Variants in MYO3B observed in about 807,000 individuals in gnomAD.
MYO3B encodes myosin-IIIb.
Under a neutral mutation model 174.6 loss-of-function variants are expected in MYO3B, and 156 were observed. The observed-to-expected ratio is 0.89, with a 90% CI of 0.78 to 1.02. The LOEUF is 1.02. MYO3B is among the 50% of genes least tolerant of loss of function. The pLI, the probability that MYO3B is intolerant of heterozygous loss-of-function variation, is 0.00. For synonymous variants in MYO3B, 563 were observed against 569.1 expected (o/e 0.99, Z 0.15); for missense variants, 1,632 against 1,639.4 (o/e 1.00, Z 0.08).
At chr2:170,523,131 G>T (rs1283993888) in intron 30 of MYO3B, among the ~76,000 whole-genome samples, 2 of 152,162 alleles carry the variant, frequency 1.3e-5, no homozygotes, top group African/African-American at 4.8e-5. Flanking sequence ...TGTTATGGTT[G>T]ACCTTGTGCT....
At position 170,490,720 on chromosome 2, in the gene MYO3B, T is replaced by C. The variant is rs919786883; in HGVS notation, c.3015-7872T>C. Among the ~76,000 whole-genome samples the C allele has an allele frequency of 1.4e-4, 21 of 152,290 alleles. 2 individuals carry two copies. Among genetic ancestry groups the C allele is most frequent in the Admixed American group, 1.2e-3 (19 of 15,310 alleles). The stretch of plus-strand genomic sequence containing the variant: ...AGTCAAGATTCAGAAAGTTGTCTCC[T>C]AGTTTGAGGTTGTTGAATTAATTTT... On this transcript the variant is annotated intron_variant, in intron 25 of 34. Transcript: ENST00000408978.
chr2:170,618,795 TTAACA>T (rs974740617), intron 32 of MYO3B, among the ~76,000 whole-genome samples: 4 of 152,064 alleles, frequency 2.6e-5, no homozygotes, highest in African/African-American at 7.3e-5. Flanking sequence ...GATGAAGTAA[TTAACA>T]TAACATTTGT....
intron 29 of MYO3B, among the ~76,000 whole-genome samples, chr2:170,518,927 T>G (rs1281482151): frequency 6.6e-6 from 1 of 152,230 alleles, no homozygotes; most frequent in Non-Finnish European, 1.5e-5. Flanking sequence ...TTACCCTCAT[T>G]GTTGAGAAAC....
chr2:170,557,149 T>TA (rs1393336355), intron 32 of MYO3B, among the ~76,000 whole-genome samples: 3 of 104,678 alleles, frequency 2.9e-5, no homozygotes, highest in Non-Finnish European at 5.4e-5. Context: ...TTTATTTTTA[T>TA]TTTTTTTTGA....
intron 32 of MYO3B, among the ~76,000 whole-genome samples, chr2:170,647,526 C>T (rs2105472966): frequency 6.6e-6 from 1 of 152,252 alleles, no homozygotes; most frequent in Admixed American, 6.5e-5. Context: ...AATGGCAAAG[C>T]ACCTGGAAGT....
At chr2:170,520,539 GAT>G (rs1297720650) in intron 30 of MYO3B, among the ~76,000 whole-genome samples, 1 of 151,422 alleles carries the variant, frequency 6.6e-6, no homozygotes, top group African/African-American at 2.4e-5. Flanking sequence ...ATTTGGGGGA[GAT>G]ATATATATTA....
At chr2:170,358,827 A>G (rs925396940) in intron 8 of MYO3B, among the ~76,000 whole-genome samples, 10 of 152,244 alleles carry the variant, frequency 6.6e-5, no homozygotes, top group African/African-American at 2.4e-4. Context: ...TTAATTTATA[A>G]ATTTGAGCTA....
At chr2:170,571,831 C>T (rs1032812021) in intron 32 of MYO3B, among the ~76,000 whole-genome samples, 5 of 152,142 alleles carry the variant, frequency 3.3e-5, no homozygotes, top group African/African-American at 9.7e-5. Context: ...CTTGTGTTCT[C>T]TCTGAACACA....
chr2:170,212,291 C>T (rs554516513), intron 3 of MYO3B, among the ~76,000 whole-genome samples: 1 of 151,048 alleles, frequency 6.6e-6, no homozygotes, highest in Admixed American at 6.6e-5. Flanking sequence ...TATTTTTATG[C>T]CAGTGAGTTT....
chr2:170,492,805 G>A (rs12692954), intron 25 of MYO3B, among the ~76,000 whole-genome samples: 41,060 of 152,118 alleles, frequency 0.27, 5,837 homozygotes, highest in East Asian at 0.44. Flanking sequence ...ATGTTTGGTC[G>A]TTACAGTTTC....
At chr2:170,284,948 C>T (rs1373998648) in intron 7 of MYO3B, among the ~76,000 whole-genome samples, 2 of 152,156 alleles carry the variant, frequency 1.3e-5, no homozygotes, top group Non-Finnish European at 2.9e-5. Flanking sequence ...GTTATATAAA[C>T]TGTCTCATAC....
chr2:170,565,144 T>C lies in MYO3B; in HGVS notation c.3733+21156T>C, dbSNP rs139757244. Among the ~76,000 whole-genome samples the C allele has an allele frequency of 3.8e-3, 578 of 152,288 alleles. 2 individuals are homozygous for C. The highest frequency in any genetic ancestry group is 0.013 in the African/African-American group (531 of 41,564). Reference sequence around the variant, plus strand: ...TAATGAGAAATAAATTTTTTTTGCATATCAAACAGGCGAGGATTGAACAAA... The same window carrying C: ...TAATGAGAAATAAATTTTTTTTGCACATCAAACAGGCGAGGATTGAACAAA... On this transcript the variant is annotated intron_variant, in intron 32 of 34. Transcript: ENST00000408978.
chr2:170,653,692 A>AGAT lies in MYO3B; in HGVS notation c.*572_*574dup, dbSNP rs143413132. The stretch of plus-strand genomic sequence containing the variant: ...ACAGGATAATTGCCTGTGTTTAGGC[A>AGAT]GATAGGCCTAAATCTTTCAGATTCT... On this transcript the variant is annotated 3_prime_UTR_variant, in exon 35 of 35. Transcript: ENST00000408978. The AGAT allele has an allele frequency of 2.8e-4, 42 of 152,594 alleles. No individual in the cohort carries two copies. The highest frequency in any genetic ancestry group is 4.0e-4 in the Non-Finnish European group (27 of 68,268). 9.5% of individuals were successfully genotyped at this position (152,594 alleles called of 1,614,324 possible). A position where few individuals can be genotyped will look rare whatever the true frequency, so the allele number is the denominator to read the frequency against.
chr2:170,218,296 G>T (rs1170663097), intron 6 of MYO3B, among the ~76,000 whole-genome samples: 1 of 152,000 alleles, frequency 6.6e-6, no homozygotes, highest in Admixed American at 6.6e-5. Context: ...GAAAAATGCT[G>T]CAATTTCCAG....
At chr2:170,544,052 G>C in intron 32 of MYO3B, 64 bp downstream of exon 32, 2 of 1,328,048 alleles carry the variant, frequency 1.5e-6, no homozygotes, top group Non-Finnish European at 2.1e-6. Flanking sequence ...ACTTTTTAGT[G>C]TGTTGTTTGG....
At chr2:170,313,482 C>G (rs185649563) in intron 7 of MYO3B, among the ~76,000 whole-genome samples, 2 of 152,264 alleles carry the variant, frequency 1.3e-5, no homozygotes, top group Admixed American at 6.5e-5. Context: ...TCAGGGCCAG[C>G]CTTGGTCTAT....
intron 7 of MYO3B, among the ~76,000 whole-genome samples, chr2:170,273,366 A>G (rs2093439238): frequency 6.6e-6 from 1 of 151,992 alleles, no homozygotes; most frequent in African/African-American, 2.4e-5. Flanking sequence ...TTATCCCAAT[A>G]AGTCTAGAAT....
chr2:170,431,474 T>C (rs1574969006), intron 22 of MYO3B, among the ~76,000 whole-genome samples: 1 of 152,334 alleles, frequency 6.6e-6, no homozygotes, highest in Non-Finnish European at 1.5e-5. Context: ...AACTATTTTT[T>C]CCCTAGCTCT....
intron 29 of MYO3B, among the ~76,000 whole-genome samples, chr2:170,518,778 T>C (rs1269232140): frequency 6.6e-6 from 1 of 152,178 alleles, no homozygotes; most frequent in South Asian, 2.1e-4. Flanking sequence ...CCAGGTGATG[T>C]TGATGCTACT....
Sources: gnomAD v4.1 joint callset for allele counts (sites outside exome capture counted in the v4.1 genomes callset) on GRCh38, gnomAD v4.1.1 for gene constraint, MANE v1.5 for transcripts, NCBI Gene and HGNC (gene_info 2026-07-23, HGNC 2026-07-21) for gene names.